UGT1A4: variants seen among roughly 807,000 people sequenced by gnomAD.
UGT1A4 encodes the protein UDP-glucuronosyltransferase 1A4.
Under a neutral mutation model 41.1 loss-of-function variants are expected in UGT1A4, and 32 were observed. The observed-to-expected ratio is 0.78, with a 90% CI of 0.59 to 1.05. The LOEUF (loss-of-function observed/expected upper bound fraction) is 1.05, where lower values mean the gene tolerates loss of function less well. Ranked by LOEUF, UGT1A4 falls within the 50% of genes least tolerant of loss-of-function variation. UGT1A4 has a pLI of 0.00. For synonymous variants in UGT1A4, 283 were observed against 265.1 expected (o/e 1.07, Z -0.66); for missense variants, 748 against 677.4 (o/e 1.10, Z -1.16).
intron 1 of UGT1A4, among the ~76,000 whole-genome samples, chr2:233,748,506 T>C (rs868820669): frequency 6.6e-5 from 10 of 151,912 alleles, no homozygotes; most frequent in African/African-American, 2.4e-4. Context: ...TTTTTAGTGG[T>C]CCTGTCTTGC....
At chr2:233,757,541 T>TAC (rs1553619873) in intron 1 of UGT1A4, among the ~76,000 whole-genome samples, 2 of 117,592 alleles carry the variant, frequency 1.7e-5, no homozygotes, top group African/African-American at 7.2e-5. Context: ...AAGGAATATA[T>TAC]ATATATATAT....
rs767607575 is a variant in UGT1A4, at chr2:233,760,238, A to G, written c.868-6796A>G. ...GTGTATCGATTGGTTTTTGCCATATATATATATATAAGTAGGAGAGGGCGA... is the reference window on the plus strand; with the variant it reads ...GTGTATCGATTGGTTTTTGCCATATGTATATATATAAGTAGGAGAGGGCGA... On this transcript the variant is annotated intron_variant, in intron 1 of 4. Transcript: ENST00000373409. The G allele has an allele frequency of 3.7e-6, 6 of 1,606,676 alleles. No homozygotes were observed. Among genetic ancestry groups the G allele is most frequent in the Admixed American group, 3.3e-5 (2 of 59,932 alleles).
intron 1 of UGT1A4, among the ~76,000 whole-genome samples, chr2:233,737,002 C>G (rs534387073): frequency 6.6e-6 from 1 of 152,190 alleles, no homozygotes; most frequent in Non-Finnish European, 1.5e-5. Flanking sequence ...GTCAGGGACC[C>G]GCTTGAGGAG....
intron 1 of UGT1A4, among the ~76,000 whole-genome samples, chr2:233,724,353 C>A (rs2077234748): frequency 2.0e-5 from 3 of 148,046 alleles, no homozygotes; most frequent in South Asian, 4.5e-4. Flanking sequence ...CCCCCCACCT[C>A]CCTCCCGGAC....
In UGT1A4 at chr2:233,724,567, C is replaced by T. The variant is rs1005770116; in HGVS notation, c.867+4880C>T. Among the ~76,000 whole-genome samples, 5 of 126,436 alleles carry T rather than the reference C, an allele frequency of 4.0e-5. No individual in the cohort carries two copies. In the East Asian group the frequency reaches 1.3e-3, roughly 33 times the overall value. 82.9% of individuals were successfully genotyped at this position (126,436 alleles called of 152,430 possible). A position where few individuals can be genotyped will look rare whatever the true frequency, so the allele number is the denominator to read the frequency against. On this transcript the variant is annotated intron_variant, in intron 1 of 4. Coordinates refer to ENST00000373409, the MANE Select transcript of UGT1A4 (RefSeq NM_007120.3). ...GCTCCTCACATCCCAGATGGGGCGG[C>T]GGGGCAGAGGCGCTCCCCACATCTC...
At chr2:233,762,713 C>T (rs1377918494) in intron 1 of UGT1A4, among the ~76,000 whole-genome samples, 1 of 150,748 alleles carries the variant, frequency 6.6e-6, no homozygotes, top group South Asian at 2.1e-4. Context: ...AAGTATTTTA[C>T]ACGGTTTTTT....
intron 1 of UGT1A4, chr2:233,747,358 G>T: frequency 6.2e-7 from 1 of 1,603,224 alleles, no homozygotes; most frequent in African/African-American, 1.3e-5. Context: ...GAGGCCGTGC[G>T]GGAGCTCCAT....
intron 1 of UGT1A4, among the ~76,000 whole-genome samples, chr2:233,731,421 G>C (rs1039281599): frequency 6.6e-6 from 1 of 151,738 alleles, no homozygotes; most frequent in Non-Finnish European, 1.5e-5. Context: ...TTTTCCTAAT[G>C]CCATCCCTCC....
At position 233,744,023 on chromosome 2, in the gene UGT1A4, C is replaced by T. The variant is rs374542514; in HGVS notation, c.868-23011C>T. 1.7e-4 allele frequency: 161 copies of T among 963,346 alleles called. 1 individual carries two copies. In the Middle Eastern group the frequency reaches 2.6e-3, roughly 15 times the overall value. The allele number at this position is 963,346 out of a possible 1,614,324, so 59.7% of individuals were successfully genotyped here. On this transcript the variant is annotated intron_variant, in intron 1 of 4. Coordinates refer to ENST00000373409, the MANE Select transcript of UGT1A4 (RefSeq NM_007120.3). ...CGGAGACCTGGGCCGCCTGGAGAGA[C>T]GCCCCTTATGACGCAGCCACATCTC...
intron 1 of UGT1A4, chr2:233,721,910 T>G: frequency 2.3e-6 from 1 of 439,350 alleles, no homozygotes; most frequent in Admixed American, 2.5e-5. Context: ...TGGTGCACAC[T>G]GCTTCCATAA....
intron 1 of UGT1A4, chr2:233,743,882 C>A: frequency 2.9e-6 from 4 of 1,367,088 alleles, no homozygotes; most frequent in Non-Finnish European, 3.9e-6. Flanking sequence ...TGAGGCCTGC[C>A]GGGGCACGTC....
rs1314129216 is a variant in UGT1A4, at chr2:233,719,046, A to T, written c.226A>T (p.Thr76Ser). ...GCACATCAAAGAAGAGAAATTTTTC[A>T]CCCTGACAGCCTATGCTGTTCCATG... Reference protein sequence around the residue: ...NMHIKEEKFFTLTAYAVPWTQ... With the variant: ...NMHIKEEKFFSLTAYAVPWTQ... Residue 76 changes from threonine to serine, a missense_variant, in exon 1 of 5, where the codon ACC becomes TCC. Thr to Ser is a moderately conservative substitution (Grantham distance 58). Coordinates refer to ENST00000373409, the MANE Select transcript of UGT1A4 (RefSeq NM_007120.3). 6.2e-7 allele frequency: 1 copy of T among 1,614,250 alleles called. No individual in the cohort carries two copies. Among genetic ancestry groups the T allele is most frequent in the Non-Finnish European group, 8.5e-7 (1 of 1,180,040 alleles).
Position 233,760,863 on chromosome 2 carries a change from C to T in UGT1A4, c.868-6171C>T, listed in dbSNP as rs764242339. On this transcript the variant is annotated intron_variant, in intron 1 of 4. Coordinates refer to ENST00000373409, the MANE Select transcript of UGT1A4 (RefSeq NM_007120.3). ...CCCAGTGCCCCAACCCATTCTCCTA[C>T]GTGCCCAGGCCTCTCTCCTCTCATT... The T allele has an allele frequency of 8.1e-6, 13 of 1,614,016 alleles. No homozygotes were observed. Among genetic ancestry groups the T allele is most frequent in the South Asian group, 4.4e-5 (4 of 91,088 alleles).
chr2:233,730,328 C>T (rs1363766839), intron 1 of UGT1A4, among the ~76,000 whole-genome samples: 2 of 152,106 alleles, frequency 1.3e-5, no homozygotes, highest in African/African-American at 2.4e-5. Context: ...AGGGACACTA[C>T]GTTTGGAACT....
At chr2:233,754,812 C>T in intron 1 of UGT1A4, 1 of 1,317,570 alleles carries the variant, frequency 7.6e-7, no homozygotes. Context: ...AGAAGAAAAA[C>T]CACCCTCAAA....
intron 1 of UGT1A4, among the ~76,000 whole-genome samples, chr2:233,724,466 G>T (rs1369027656): frequency 2.6e-5 from 2 of 77,260 alleles, no homozygotes; most frequent in African/African-American, 4.9e-5. Context: ...GGGCGGAGGG[G>T]CTCCTCACTT....
chr2:233,746,329 G>C (rs1693363946), intron 1 of UGT1A4, among the ~76,000 whole-genome samples: 1 of 151,754 alleles, frequency 6.6e-6, no homozygotes, highest in Admixed American at 6.5e-5. Context: ...GATCTACAGG[G>C]CAATGGACAT....
At position 233,772,264 on chromosome 2, in the gene UGT1A4, A is replaced by G. The variant is rs766626435; in HGVS notation, c.1310A>G (p.Tyr437Cys). Reference sequence around the variant, plus strand: ...AACGAAACTGTCTTTGTGTTTAGTTACAAGGAGAACATCATGCGCCTCTCC... The same window carrying G: ...AACGAAACTGTCTTTGTGTTTAGTTGCAAGGAGAACATCATGCGCCTCTCC... Reference protein sequence around the residue: ...ALKAVINDKSYKENIMRLSSL... With the variant: ...ALKAVINDKSCKENIMRLSSL... The change falls in exon 5 of 5, where the codon TAC becomes TGC. Residue 437 changes from tyrosine to cysteine, a missense_variant and splice_region_variant. Tyr to Cys is a radical substitution (Grantham distance 194). Coordinates refer to ENST00000373409, the MANE Select transcript of UGT1A4 (RefSeq NM_007120.3). The G allele has an allele frequency of 2.5e-6, 4 of 1,614,262 alleles. No homozygotes were observed. Among genetic ancestry groups the G allele is most frequent in the Admixed American group, 1.7e-5 (1 of 60,030 alleles).
chr2:233,736,451 C>T (rs1167369178), intron 1 of UGT1A4, among the ~76,000 whole-genome samples: 3 of 152,120 alleles, frequency 2.0e-5, no homozygotes, highest in Non-Finnish European at 2.9e-5. Context: ...GCAATAGGTT[C>T]GAACATGCAC....
Sources: gnomAD v4.1 joint callset for allele counts (sites outside exome capture counted in the v4.1 genomes callset) on GRCh38, gnomAD v4.1.1 for gene constraint, MANE v1.5 for transcripts, NCBI Gene and HGNC (gene_info 2026-07-23, HGNC 2026-07-21) for gene names.